The following GRIA4 variants were observed in gnomAD, a reference collection of about 807,000 sequenced individuals.
GRIA4 encodes glutamate receptor 4.
A neutral mutation model predicts 104.0 loss-of-function variants in GRIA4; 34 were observed. The ratio of observed to expected loss-of-function variants is 0.33; its 90% CI spans 0.25 to 0.44. GRIA4 has a LOEUF of 0.44. Among genes scored for constraint, GRIA4 ranks in the 20% least tolerant of loss-of-function variants. The pLI is 1.00. For missense variants in GRIA4, 750 were observed against 1,096.5 expected (o/e 0.68, Z 4.46); for synonymous variants, 386 against 381.9 (o/e 1.01, Z -0.13).
Position 105,688,418 on chromosome 11 carries a change from G to A in GRIA4, c.248-64563G>A, listed in dbSNP as rs752071869. Among the ~76,000 whole-genome samples the A allele has an allele frequency of 4.6e-5, 7 of 151,880 alleles. No homozygotes were observed. In the South Asian group the frequency reaches 1.0e-3, roughly 23 times the overall value. On this transcript the variant is annotated intron_variant, in intron 3 of 16. Transcript: ENST00000282499. The stretch of plus-strand genomic sequence containing the variant: ...CTAAAAAATACAGCAAAAATTAGCC[G>A]GGCGTGGTGGCGTGCGCCTGTAGTC...
intron 10 of GRIA4, among the ~76,000 whole-genome samples, chr11:105,911,132 C>T (rs149051479): frequency 5.3e-5 from 8 of 151,528 alleles, no homozygotes; most frequent in Admixed American, 2.6e-4. Context: ...TTTCTTCCAC[C>T]GATTATTTTT....
At chr11:105,894,619 A>G (rs1394501503) in intron 6 of GRIA4, among the ~76,000 whole-genome samples, 3 of 152,108 alleles carry the variant, frequency 2.0e-5, no homozygotes, top group Non-Finnish European at 4.4e-5. Context: ...GGTTAGGAAG[A>G]CAATCTACTT....
intron 4 of GRIA4, among the ~76,000 whole-genome samples, chr11:105,850,919 G>A (rs2135987136): frequency 6.6e-6 from 1 of 152,248 alleles, no homozygotes; most frequent in Non-Finnish European, 1.5e-5. Context: ...ATGGAATTAA[G>A]TTTGCATTGT....
intron 3 of GRIA4, among the ~76,000 whole-genome samples, chr11:105,631,809 T>C (rs888820179): frequency 6.6e-6 from 1 of 152,194 alleles, no homozygotes; most frequent in Non-Finnish European, 1.5e-5. Context: ...GTGTTGTGCA[T>C]TGTATCATAA....
Position 105,794,512 on chromosome 11 carries a change from T to C in GRIA4, c.487+41292T>C, listed in dbSNP as rs76893377. Among the ~76,000 whole-genome samples the C allele has an allele frequency of 7.6e-3, 814 of 106,832 alleles. 23 individuals carry two copies. The highest frequency in any genetic ancestry group is 0.02 in the African/African-American group (524 of 26,118). 70.1% of individuals were successfully genotyped at this position (106,832 alleles called of 152,430 possible). ...ATATATATATATATATATATATATATACATATACACACACACACATATCTG... is the reference window on the plus strand; with the variant it reads ...ATATATATATATATATATATATATACACATATACACACACACACATATCTG... On this transcript the variant is annotated intron_variant, in intron 4 of 16. Coordinates refer to ENST00000282499, the MANE Select transcript of GRIA4 (RefSeq NM_000829.4).
At chr11:105,732,525 T>C (rs1056346214) in intron 3 of GRIA4, among the ~76,000 whole-genome samples, 2 of 152,116 alleles carry the variant, frequency 1.3e-5, no homozygotes, top group Non-Finnish European at 2.9e-5. Flanking sequence ...CAGTGTGAGC[T>C]ACTGGACTCC....
At chr11:105,833,039 T>C (rs1263164767) in intron 4 of GRIA4, among the ~76,000 whole-genome samples, 2 of 152,048 alleles carry the variant, frequency 1.3e-5, no homozygotes, top group East Asian at 1.9e-4. Flanking sequence ...ATCATTACTG[T>C]TTCCTTCAAA....
chr11:105,812,562 G>A (rs1943218661), intron 4 of GRIA4, among the ~76,000 whole-genome samples: 1 of 151,964 alleles, frequency 6.6e-6, no homozygotes, highest in Admixed American at 6.6e-5. Context: ...ACTTAATTGG[G>A]TCTTGGAGTG....
chr11:105,978,137 T>C (rs1266346474), intron 16 of GRIA4, among the ~76,000 whole-genome samples: 2 of 152,044 alleles, frequency 1.3e-5, no homozygotes, highest in Non-Finnish European at 1.5e-5. Flanking sequence ...ATCAGTTTCA[T>C]TTACAAGAAA....
chr11:105,619,197 A>T (rs1222676050), intron 3 of GRIA4, among the ~76,000 whole-genome samples: 3 of 151,932 alleles, frequency 2.0e-5, no homozygotes, highest in Non-Finnish European at 4.4e-5. Flanking sequence ...TTTGAGCCAG[A>T]TGAGTTTGAA....
intron 14 of GRIA4, among the ~76,000 whole-genome samples, chr11:105,938,105 G>C (rs182476187): frequency 2.4e-4 from 37 of 152,340 alleles, no homozygotes; most frequent in Non-Finnish European, 3.2e-4. Context: ...GGAGTGAGTA[G>C]AGTTCTATGT....
intron 3 of GRIA4, among the ~76,000 whole-genome samples, chr11:105,662,075 T>A (rs1952030109): frequency 6.6e-6 from 1 of 151,726 alleles, no homozygotes; most frequent in South Asian, 2.1e-4. Flanking sequence ...GTTGGCACAG[T>A]AAATGAATGC....
chr11:105,673,107 A>C (rs1952426741), intron 3 of GRIA4, among the ~76,000 whole-genome samples: 1 of 151,990 alleles, frequency 6.6e-6, no homozygotes, highest in African/African-American at 2.4e-5. Context: ...TCTGGTTCCT[A>C]TTCACCTCTC....
chr11:105,693,360 T>C (rs1474690287), intron 3 of GRIA4, among the ~76,000 whole-genome samples: 7 of 152,200 alleles, frequency 4.6e-5, no homozygotes, highest in Admixed American at 4.6e-4. Context: ...TATGAGATTA[T>C]GGATTTCTGA....
chr11:105,786,144 C>CAAAAA (rs34888562), intron 4 of GRIA4, among the ~76,000 whole-genome samples: 1 of 89,262 alleles, frequency 1.1e-5, no homozygotes, highest in African/African-American at 4.5e-5. Flanking sequence ...GACCCTTTCT[C>CAAAAA]AAAAAAAAAA....
chr11:105,783,839 C>T (rs1366087521), intron 4 of GRIA4, among the ~76,000 whole-genome samples: 1 of 149,766 alleles, frequency 6.7e-6, no homozygotes. Context: ...GCTGAAAGTT[C>T]AAGAGACAGA....
At chr11:105,903,110 C>G (rs1437084605) in intron 7 of GRIA4, among the ~76,000 whole-genome samples, 1 of 152,192 alleles carries the variant, frequency 6.6e-6, no homozygotes, top group Non-Finnish European at 1.5e-5. Flanking sequence ...CCCTTCACAT[C>G]TCCACTTGGA....
intron 3 of GRIA4, among the ~76,000 whole-genome samples, chr11:105,738,365 G>A (rs1003614676): frequency 6.6e-6 from 1 of 150,906 alleles, no homozygotes; most frequent in Non-Finnish European, 1.5e-5. Flanking sequence ...CACCAACTAT[G>A]TGCCAAGCGT....
At chr11:105,621,117 CTG>C (rs1950733783) in intron 3 of GRIA4, among the ~76,000 whole-genome samples, 1 of 151,724 alleles carries the variant, frequency 6.6e-6, no homozygotes, top group South Asian at 2.1e-4. Context: ...CAATAAGCCA[CTG>C]TTTTTCCAGA....
Sources: gnomAD v4.1 joint callset for allele counts (sites outside exome capture counted in the v4.1 genomes callset) on GRCh38, gnomAD v4.1.1 for gene constraint, MANE v1.5 for transcripts, NCBI Gene and HGNC (gene_info 2026-07-23, HGNC 2026-07-21) for gene names.